VPS35: variants seen among roughly 807,000 people sequenced by gnomAD.
The protein encoded by VPS35 is vacuolar protein sorting-associated protein 35.
A neutral mutation model predicts 98.1 loss-of-function variants in VPS35; 21 were observed. That is an observed-to-expected ratio of 0.21 (90% CI 0.15 to 0.31). The LOEUF is 0.31. VPS35 is among the 10% of genes least tolerant of loss of function. The pLI, the probability that VPS35 is intolerant of heterozygous loss-of-function variation, is 1.00. For missense variants in VPS35, 554 were observed against 950.8 expected (o/e 0.58, Z 5.49); for synonymous variants, 268 against 318.2 (o/e 0.84, Z 1.68).
At chr16:46,688,753 G>A in intron 1 of VPS35, 1 of 1,228,846 alleles carries the variant, frequency 8.1e-7, no homozygotes, top group Non-Finnish European at 1.0e-6. Context: ...GAGTCTCAGG[G>A]CCTCCACGCG....
intron 13 of VPS35, among the ~76,000 whole-genome samples, chr16:46,667,451 G>C (rs778203093): frequency 6.6e-6 from 1 of 151,916 alleles, no homozygotes; most frequent in Non-Finnish European, 1.5e-5. Context: ...TGTACAGAAG[G>C]TTTTTAGTTT....
rs544897620 is a variant in VPS35 at position 46,682,038 on chromosome 16, G to T, written c.199+41C>A. On this transcript the variant is annotated intron_variant, in intron 3 of 16. Coordinates refer to ENST00000299138, the MANE Select transcript of VPS35 (RefSeq NM_018206.6). ...ACAAAATAGGCCTTATCAAGAAAAAGGTATGGTCCAAATGTTTAGTCTTCA... is the reference window on the plus strand; with the variant it reads ...ACAAAATAGGCCTTATCAAGAAAAATGTATGGTCCAAATGTTTAGTCTTCA... The T allele has an allele frequency of 3.7e-5, 55 of 1,503,764 alleles. No individual in the cohort carries two copies. The South Asian group carries it at 5.8e-4, about 16-fold the overall frequency. 93.2% of individuals were successfully genotyped at this position (1,503,764 alleles called of 1,614,324 possible).
intron 13 of VPS35, among the ~76,000 whole-genome samples, chr16:46,664,837 T>C (rs1304277649): frequency 6.6e-6 from 1 of 152,232 alleles, no homozygotes; most frequent in Non-Finnish European, 1.5e-5. Flanking sequence ...TTTCCTATTT[T>C]GTCCTAACAA....
At position 46,677,036 on chromosome 16, in the gene VPS35, G is replaced by GA. The variant is rs954938824; in HGVS notation, c.804+278dup. Among the ~76,000 whole-genome samples the GA allele has an allele frequency of 3.6e-3, 521 of 146,208 alleles. 2 individuals are homozygous for GA. The highest frequency in any genetic ancestry group is 5.0e-3 in the Non-Finnish European group (329 of 66,248). On this transcript the variant is annotated intron_variant, in intron 7 of 16. Coordinates refer to ENST00000299138, the MANE Select transcript of VPS35 (RefSeq NM_018206.6). ...ATTTTTAGAAGAAGCAAGATTACAT[G>GA]AAAAAAAAAAGAAACACTAAAAAAA...
At chr16:46,677,587 G>C (rs1343472399) in intron 6 of VPS35, 189 bp from the exon 7 acceptor site, 3 of 578,548 alleles carry the variant, frequency 5.2e-6, no homozygotes, top group South Asian at 3.9e-5. Context: ...CCAGGCTGGA[G>C]TGAAGTGGCA....
Position 46,661,025 on chromosome 16 carries a change from T to C in VPS35, c.2212-374A>G, listed in dbSNP as rs1965907133. 1 of 351,192 alleles carries C rather than the reference T, an allele frequency of 2.8e-6. No homozygotes were observed. The highest frequency in any genetic ancestry group is 5.5e-6 in the Non-Finnish European group (1 of 181,372). The allele number at this position is 351,192 out of a possible 1,614,324, so 21.8% of individuals were successfully genotyped here. A position where few individuals can be genotyped will look rare whatever the true frequency, so the allele number is the denominator to read the frequency against. ...AGCTGGGCGTGGTGCCGGGCGCCTATAATACCAGCTATTCAGGAGGCTGAG... is the reference window on the plus strand; with the variant it reads ...AGCTGGGCGTGGTGCCGGGCGCCTACAATACCAGCTATTCAGGAGGCTGAG... On this transcript the variant is annotated intron_variant, in intron 16 of 16. Transcript: ENST00000299138. This position sits in a 1 kb window ranked among gnomAD's most constrained non-coding sequence, Gnocchi z 4.3.
chr16:46,657,714 G>GATT lies in VPS35; in HGVS notation c.*2757_*2758insAAT, dbSNP rs1208291125. ...AAAGAAGGGATCATCTGGACTCTAA[G>GATT]AATCACTGGTTTCCTGGGTAGAGGC... On this transcript the variant is annotated 3_prime_UTR_variant, in exon 17 of 17. Coordinates refer to ENST00000299138, the MANE Select transcript of VPS35 (RefSeq NM_018206.6). 2 of 152,166 alleles carry GATT rather than the reference G, an allele frequency of 1.3e-5. No homozygotes were observed. Among genetic ancestry groups the GATT allele is most frequent in the Non-Finnish European group, 2.9e-5 (2 of 68,056 alleles). 9.4% of individuals were successfully genotyped at this position (152,166 alleles called of 1,614,324 possible).
At chr16:46,673,936 T>C in intron 10 of VPS35, 1 of 207,942 alleles carries the variant, frequency 4.8e-6, no homozygotes. Context: ...ACATTATGAG[T>C]TTTTTTGGGA....
intron 8 of VPS35, among the ~76,000 whole-genome samples, chr16:46,675,107 A>C (rs1966128093): frequency 9.2e-6 from 1 of 108,702 alleles, no homozygotes; most frequent in Admixed American, 8.4e-5. Flanking sequence ...ATTCATTTTT[A>C]ACTAAACAGT....
In VPS35 at chr16:46,681,474, A is replaced by G. The variant is rs888688416; in HGVS notation, c.226T>C (p.Tyr76His). The G allele has an allele frequency of 1.2e-6, 2 of 1,613,116 alleles. No individual in the cohort carries two copies. Among genetic ancestry groups the G allele is most frequent in the Non-Finnish European group, 1.7e-6 (2 of 1,179,634 alleles). The change falls in exon 4 of 17, where the codon TAC (tyrosine) becomes CAC (histidine). Residue 76 changes from tyrosine to histidine, a missense_variant. Tyr to His is a moderately conservative substitution (Grantham distance 83). Around this residue, in one of 5 missense-constraint regions of VPS35, gnomAD observed 67 missense variants for 103.3 expected, o/e 0.65. Transcript: ENST00000299138. ...LYMAISDELH[Y>H]LEVYLTDEFA... Reference sequence around the variant, plus strand: ...TCATCTGTCAGGTAGACCTCCAAGTAGTGCAGTTCATCAGAAATGGCCATA... The same window carrying G: ...TCATCTGTCAGGTAGACCTCCAAGTGGTGCAGTTCATCAGAAATGGCCATA...
At chr16:46,662,202 A>G (rs1210202209) in intron 15 of VPS35, 41 bp downstream of exon 15, 1 of 1,613,752 alleles carries the variant, frequency 6.2e-7, no homozygotes, top group African/African-American at 1.3e-5. Flanking sequence ...GATCCCTGTT[A>G]TGGATCCTGT....
At chr16:46,665,525 T>A (rs1027460833) in intron 13 of VPS35, among the ~76,000 whole-genome samples, 1 of 150,746 alleles carries the variant, frequency 6.6e-6, no homozygotes, top group African/African-American at 2.4e-5. Flanking sequence ...AGCCTAAGAG[T>A]TCGAAGCTGC....
Position 46,661,992 on chromosome 16 carries a change from CCTT to C in VPS35, c.2068-134_2068-132del, listed in dbSNP as rs1478289015. ...AACAAATTTAAATCCTTTTCATTCT[CCTT>C]CTTCTTGTTTTGAAGTATACAGCTG... On this transcript the variant is annotated intron_variant, in intron 15 of 16. Transcript: ENST00000299138. This position sits in a 1 kb window ranked among gnomAD's most constrained non-coding sequence, Gnocchi z 4.3. The C allele has an allele frequency of 2.0e-5, 28 of 1,394,946 alleles. No individual in the cohort carries two copies. The Admixed American group carries it at 4.2e-4, about 21-fold the overall frequency. The allele number at this position is 1,394,946 out of a possible 1,614,324, so 86.4% of individuals were successfully genotyped here. A position where few individuals can be genotyped will look rare whatever the true frequency, so the allele number is the denominator to read the frequency against.
chr16:46,676,372 C>T (rs555275589), intron 8 of VPS35: 19 of 529,196 alleles, frequency 3.6e-5, no homozygotes, highest in South Asian at 1.9e-4. Context: ...ATTATCTTCA[C>T]GTCTCCTGCA....
In VPS35 at chr16:46,671,803, C is replaced by A. The variant is rs376308396; in HGVS notation, c.1426G>T (p.Val476Leu). 1.2e-6 allele frequency: 2 copies of A among 1,613,784 alleles called. No homozygotes were observed. The highest frequency in any genetic ancestry group is 2.7e-5 in the African/African-American group (2 of 74,920). The part of the protein sequence containing the change: ...TLIQDQPDQP[V>L]EDPDPEDFAD... Reference sequence around the variant, plus strand: ...AAATCTTCTGGATCAGGGTCTTCTACAGGTTGATCTGGCTGATCTTGAATC... The same window carrying A: ...AAATCTTCTGGATCAGGGTCTTCTAAAGGTTGATCTGGCTGATCTTGAATC... The change falls in exon 12 of 17, where the codon GTA becomes TTA. Residue 476 changes from valine to leucine, a missense_variant. Coordinates refer to ENST00000299138, the MANE Select transcript of VPS35 (RefSeq NM_018206.6).
chr16:46,666,894 A>C (rs766094547), intron 13 of VPS35, among the ~76,000 whole-genome samples: 1 of 152,230 alleles, frequency 6.6e-6, no homozygotes, highest in Non-Finnish European at 1.5e-5. Context: ...TTGTTTCCAT[A>C]TCTCAGCCAT....
chr16:46,665,885 G>A (rs1019044435), intron 13 of VPS35, among the ~76,000 whole-genome samples: 4 of 152,046 alleles, frequency 2.6e-5, no homozygotes, highest in African/African-American at 9.7e-5. Context: ...CCAACTCCTG[G>A]GCTCAAGCTG....
At chr16:46,663,862 ATTTTTTTTTTTTTTT>A (rs546485076) in intron 13 of VPS35, among the ~76,000 whole-genome samples, 4 of 28,676 alleles carry the variant, frequency 1.4e-4, no homozygotes, top group South Asian at 3.8e-3. Flanking sequence ...CACCTGGCTA[ATTTTTTTTTTTTTTT>A]TTTTTTTTTT....
intron 5 of VPS35, among the ~76,000 whole-genome samples, chr16:46,679,428 A>C (rs957563494): frequency 7.2e-5 from 11 of 152,160 alleles, no homozygotes; most frequent in African/African-American, 2.7e-4. Flanking sequence ...CAACTTCCTT[A>C]ATTGAAAAAG....
Sources: gnomAD v4.1 joint callset for allele counts (sites outside exome capture counted in the v4.1 genomes callset) on GRCh38, gnomAD v4.1.1 for gene constraint, gnomAD v4.1.1 regional missense constraint, Gnocchi (gnomAD v3.1) non-coding constraint, MANE v1.5 for transcripts, NCBI Gene and HGNC (gene_info 2026-07-23, HGNC 2026-07-21) for gene names.